Variants in CPNE4 observed in about 807,000 individuals in gnomAD.
CPNE4 encodes copine-4.
CPNE4 carries 25 observed loss-of-function variants against 67.9 expected under a neutral mutation model. The ratio of observed to expected loss-of-function variants is 0.37; its 90% CI spans 0.27 to 0.51. CPNE4 has a LOEUF of 0.51. Among genes scored for constraint, CPNE4 ranks in the 20% least tolerant of loss-of-function variants. The pLI is 0.93. For synonymous variants in CPNE4, 242 were observed against 244.9 expected, an observed-to-expected ratio of 0.99 and a Z score of 0.11; for missense variants, 464 against 690.8, an observed-to-expected ratio of 0.67 and a Z score of 3.68.
chr3:131,834,885 T>G (rs1027925031), intron 2 of CPNE4, among the ~76,000 whole-genome samples: 5 of 152,146 alleles, frequency 3.3e-5, no homozygotes, highest in African/African-American at 9.7e-5. Context: ...TAGGTCTCAT[T>G]TGAAATTGGC....
chr3:131,700,371 G>T (rs1276992088), intron 3 of CPNE4, among the ~76,000 whole-genome samples: 9 of 152,126 alleles, frequency 5.9e-5, no homozygotes, highest in Admixed American at 2.6e-4. Flanking sequence ...GGGGGATGGG[G>T]TGCAGGGAGG....
intron 1 of CPNE4, among the ~76,000 whole-genome samples, chr3:131,983,462 A>G (rs966343653): frequency 4.6e-5 from 7 of 152,192 alleles, no homozygotes; most frequent in Admixed American, 1.3e-4. Flanking sequence ...TTAATACAAA[A>G]AGATCTCTTT....
chr3:131,622,018 C>CAAAAAAAAAAA (rs34415771), intron 7 of CPNE4, among the ~76,000 whole-genome samples: 1 of 58,030 alleles, frequency 1.7e-5, no homozygotes, highest in African/African-American at 5.3e-5. Flanking sequence ...GACCCTGTCT[C>CAAAAAAAAAAA]AAAAAAAAAA....
chr3:131,561,142 A>C (rs1254501607), intron 11 of CPNE4, among the ~76,000 whole-genome samples: 1 of 152,068 alleles, frequency 6.6e-6, no homozygotes, highest in Non-Finnish European at 1.5e-5. Flanking sequence ...CCATATTTCC[A>C]GGAAATGTAC....
At chr3:131,564,110 T>C (rs1278871697) in intron 11 of CPNE4, 106 bp downstream of exon 11, 1 of 1,338,932 alleles carries the variant, frequency 7.5e-7, no homozygotes, top group Non-Finnish European at 1.1e-6. Context: ...AGTCACTACA[T>C]AAGGAGCTAC....
chr3:131,827,185 A>C (rs1204134829), intron 2 of CPNE4, among the ~76,000 whole-genome samples: 2 of 152,270 alleles, frequency 1.3e-5, no homozygotes, highest in African/African-American at 4.8e-5. Context: ...AATTGCTTTT[A>C]TGCCCAACCA....
chr3:131,801,592 A>C (rs1212732761), intron 2 of CPNE4, among the ~76,000 whole-genome samples: 1 of 149,782 alleles, frequency 6.7e-6, no homozygotes, highest in East Asian at 2.0e-4. Flanking sequence ...GGTCTCTGCC[A>C]AAGTAATATG....
At chr3:132,005,985 T>C (rs2073592432) in intron 1 of CPNE4, among the ~76,000 whole-genome samples, 1 of 152,120 alleles carries the variant, frequency 6.6e-6, no homozygotes, top group Non-Finnish European at 1.5e-5. Context: ...AGCTTCAACA[T>C]CATCAGCTGT....
chr3:131,885,709 G>A (rs558655139), intron 2 of CPNE4, among the ~76,000 whole-genome samples: 2 of 151,738 alleles, frequency 1.3e-5, no homozygotes, highest in East Asian at 3.9e-4. Context: ...CCCCACAACA[G>A]TCCCCACAGT....
chr3:131,551,815 T>C (rs932908226), intron 13 of CPNE4, among the ~76,000 whole-genome samples: 7 of 152,080 alleles, frequency 4.6e-5, no homozygotes, highest in Admixed American at 4.6e-4. Context: ...AAAATCATTC[T>C]AGAACAAAAT....
At chr3:132,019,372 T>G (rs574059975) in intron 1 of CPNE4, among the ~76,000 whole-genome samples, 2 of 152,290 alleles carry the variant, frequency 1.3e-5, no homozygotes, top group Admixed American at 6.5e-5. Context: ...TAAGCCCACC[T>G]TGGTGAGTAA....
intron 2 of CPNE4, among the ~76,000 whole-genome samples, chr3:131,819,984 A>G (rs1407023831): frequency 6.6e-6 from 1 of 152,170 alleles, no homozygotes; most frequent in African/African-American, 2.4e-5. Context: ...AAACCAAACT[A>G]CATTTGAGTC....
At position 131,699,871 on chromosome 3, in the gene CPNE4, C is replaced by A. The variant is rs200090212; in HGVS notation, c.432+38G>T. The A allele has an allele frequency of 7.7e-5, 121 of 1,579,288 alleles. 1 individual carries two copies. In the African/African-American group the frequency reaches 1.3e-3, roughly 17 times the overall value. ...GGCTGGCCAGTCCGCCCAGGCTCTC[C>A]ACTCAGGCAGACAGCTGCTTAGGGA... On this transcript the variant is annotated intron_variant, in intron 4 of 15. Coordinates refer to ENST00000429747, the MANE Select transcript of CPNE4 (RefSeq NM_130808.3).
chr3:131,969,702 C>A (rs2072452948), intron 1 of CPNE4, among the ~76,000 whole-genome samples: 1 of 152,146 alleles, frequency 6.6e-6, no homozygotes, highest in East Asian at 1.9e-4. Flanking sequence ...ATTAAAGTGA[C>A]TCCAAAATAC....
intron 14 of CPNE4, among the ~76,000 whole-genome samples, chr3:131,549,274 C>T (rs72997275): frequency 0.038 from 5,719 of 151,920 alleles, 343 homozygotes; most frequent in African/African-American, 0.13. Flanking sequence ...AAACTCAGTA[C>T]CCAGGATAAA....
chr3:131,577,738 T>C (rs1250577240), intron 9 of CPNE4, among the ~76,000 whole-genome samples: 6 of 152,262 alleles, frequency 3.9e-5, no homozygotes, highest in South Asian at 2.1e-4. Flanking sequence ...GTAGACCTTA[T>C]AAACACTTAA....
chr3:131,882,567 C>T (rs1004148269), intron 2 of CPNE4, among the ~76,000 whole-genome samples: 34 of 151,782 alleles, frequency 2.2e-4, no homozygotes, highest in Non-Finnish European at 4.4e-4. Flanking sequence ...TCATATTTCA[C>T]TTAAATATAT....
chr3:131,602,865 G>C (rs1164023349), intron 7 of CPNE4, among the ~76,000 whole-genome samples: 1 of 152,104 alleles, frequency 6.6e-6, no homozygotes, highest in Non-Finnish European at 1.5e-5. Context: ...GTTGGATTCA[G>C]GAAACTTTAT....
chr3:131,930,328 G>T (rs2071022756), intron 1 of CPNE4, among the ~76,000 whole-genome samples: 1 of 152,024 alleles, frequency 6.6e-6, no homozygotes, highest in South Asian at 2.1e-4. Flanking sequence ...TATAGAAGAG[G>T]CTACCTTGAG....
Sources: allele counts gnomAD v4.1 joint callset (sites outside exome capture counted in the v4.1 genomes callset), GRCh38; gene constraint gnomAD v4.1.1; transcripts MANE v1.5; gene names NCBI Gene and HGNC (gene_info 2026-07-23, HGNC 2026-07-21).